The following CAMK2N2 variants were observed in gnomAD, a reference collection of about 807,000 sequenced individuals.
CAMK2N2 encodes the protein calcium/calmodulin-dependent protein kinase II inhibitor 2.
CAMK2N2 carries 3 observed loss-of-function variants against 7.8 expected under a neutral mutation model. That is an observed-to-expected ratio of 0.38 (90% CI 0.18 to 0.99). The LOEUF is 0.99. CAMK2N2 is among the 50% of genes least tolerant of loss of function. The pLI is 0.37. For synonymous variants in CAMK2N2, 45 were observed against 46.6 expected (o/e 0.97, Z 0.14); for missense variants, 85 against 108.4 (o/e 0.78, Z 0.96).
chr3:184,261,212 G>A lies in CAMK2N2; in HGVS notation c.74C>T (p.Ser25Phe). The A allele has an allele frequency of 6.2e-7, 1 of 1,608,032 alleles. No homozygotes were observed. Among genetic ancestry groups the A allele is most frequent in the Non-Finnish European group, 8.5e-7 (1 of 1,177,866 alleles). ...GGTGTCCTGCAGGCGGCAGCTGAAG[G>A]AGAGGTCGGAGCCCTCGGGGTCTGC... ...FGADPEGSDL[S>F]FSCRLQDTNS... is the part of the protein sequence containing the mutation. The change falls in exon 1 of 2, where the codon TCC becomes TTC. Residue 25 changes from serine (S) to phenylalanine (F), a missense_variant. Coordinates refer to ENST00000296238, the MANE Select transcript of CAMK2N2 (RefSeq NM_033259.3). The surrounding 1 kb of genome is among the most constrained non-coding windows in gnomAD (Gnocchi z 5.1).
chr3:184,260,376 A>C lies in CAMK2N2; in HGVS notation c.170-149T>G. ...GTGCCGCGGTGTCCTCCCCGTCCGA[A>C]CTCTTCTGGAGACCCAACCCGCCGC... On this transcript the variant is annotated intron_variant, in intron 1 of 1. Coordinates refer to ENST00000296238, the MANE Select transcript of CAMK2N2 (RefSeq NM_033259.3). The surrounding 1 kb of genome is among the most constrained non-coding windows in gnomAD (Gnocchi z 6.6). The C allele has an allele frequency of 4.5e-6, 3 of 662,338 alleles. No individual in the cohort carries two copies. The highest frequency in any genetic ancestry group is 2.6e-5 in the Admixed American group (1 of 38,846). 41.0% of individuals were successfully genotyped at this position (662,338 alleles called of 1,614,324 possible). A position where few individuals can be genotyped will look rare whatever the true frequency, so the allele number is the denominator to read the frequency against.
In CAMK2N2 at chr3:184,260,420, C is replaced by A. The variant is rs1720002651; in HGVS notation, c.170-193G>T. On this transcript the variant is annotated intron_variant, in intron 1 of 1. Transcript: ENST00000296238. This position sits in a 1 kb window ranked among gnomAD's most constrained non-coding sequence, Gnocchi z 6.6. ...CCGCCGCCAAGCCTAGACCCCCTCC[C>A]CTCCCGATGGCGGAACGCCCCTCTT... Among the ~76,000 whole-genome samples the A allele has an allele frequency of 6.6e-6, 1 of 152,218 alleles. No individual in the cohort carries two copies. The highest frequency in any genetic ancestry group is 2.1e-4 in the South Asian group (1 of 4,834).
Position 184,261,344 on chromosome 3 carries a change from G to T in CAMK2N2, c.-59C>A. On this transcript the variant is annotated 5_prime_UTR_variant, in exon 1 of 2. Coordinates refer to ENST00000296238, the MANE Select transcript of CAMK2N2 (RefSeq NM_033259.3). The surrounding 1 kb of genome is among the most constrained non-coding windows in gnomAD (Gnocchi z 5.1). ...GACTGCGGCGGGGCGCGGGCGGCGG[G>T]CTTGCTGCCGGACCGGCCCTACCTC... The T allele has an allele frequency of 7.5e-7, 1 of 1,329,856 alleles. No homozygotes were observed. Among genetic ancestry groups the T allele is most frequent in the Non-Finnish European group, 9.6e-7 (1 of 1,039,408 alleles). 82.4% of individuals were successfully genotyped at this position (1,329,856 alleles called of 1,614,324 possible). A position where few individuals can be genotyped will look rare whatever the true frequency, so the allele number is the denominator to read the frequency against.
rs929229713 is a variant in CAMK2N2 at position 184,261,363 on chromosome 3, C to T, written c.-78G>A. The stretch of plus-strand genomic sequence containing the variant: ...CGGCGGGCTTGCTGCCGGACCGGCC[C>T]TACCTCAGCAGGGGAGCCGGCGGAA... On this transcript the variant is annotated 5_prime_UTR_variant, in exon 1 of 2. An upstream open reading frame in the 5' UTR loses its in-frame stop. Transcript: ENST00000296238. The surrounding 1 kb of genome is among the most constrained non-coding windows in gnomAD (Gnocchi z 5.1). 7.2e-6 allele frequency: 9 copies of T among 1,243,882 alleles called. No individual in the cohort carries two copies. Among genetic ancestry groups the T allele is most frequent in the African/African-American group, 1.6e-5 (1 of 62,256 alleles). The allele number at this position is 1,243,882 out of a possible 1,614,324, so 77.1% of individuals were successfully genotyped here. A position where few individuals can be genotyped will look rare whatever the true frequency, so the allele number is the denominator to read the frequency against.
rs200615930 is a variant in CAMK2N2, at chr3:184,261,319, G to A, written c.-34C>T. The A allele has an allele frequency of 1.4e-3, 1,994 of 1,399,396 alleles. 48 individuals are homozygous for A. In the East Asian group the frequency reaches 0.033, roughly 23 times the overall value. 86.7% of individuals were successfully genotyped at this position (1,399,396 alleles called of 1,614,324 possible). On this transcript the variant is annotated 5_prime_UTR_variant, in exon 1 of 2. Coordinates refer to ENST00000296238, the MANE Select transcript of CAMK2N2 (RefSeq NM_033259.3). This position sits in a 1 kb window ranked among gnomAD's most constrained non-coding sequence, Gnocchi z 5.1. The stretch of plus-strand genomic sequence containing the variant: ...CGGGGTGGGCGCGGGGCGGGAGCGG[G>A]ACTGCGGCGGGGCGCGGGCGGCGGG...
rs1719974833 is a variant in CAMK2N2, at chr3:184,259,934, CGCG to C, written c.*220_*222del. ...GGCCCGAGGTTTTAAAGTGCATGAG[CGCG>C]GCGGCGGGTTCCGGGCGGGTCCGCG... On this transcript the variant is annotated 3_prime_UTR_variant, in exon 2 of 2. Coordinates refer to ENST00000296238, the MANE Select transcript of CAMK2N2 (RefSeq NM_033259.3). 1 of 151,942 alleles carries C rather than the reference CGCG, an allele frequency of 6.6e-6. No individual in the cohort carries two copies. The highest frequency in any genetic ancestry group is 2.1e-4 in the South Asian group (1 of 4,830). The allele number at this position is 151,942 out of a possible 1,614,324, so 9.4% of individuals were successfully genotyped here. A position where few individuals can be genotyped will look rare whatever the true frequency, so the allele number is the denominator to read the frequency against.
At position 184,260,362 on chromosome 3, in the gene CAMK2N2, T is replaced by C. The variant is rs1719999342; in HGVS notation, c.170-135A>G. 1 of 722,366 alleles carries C rather than the reference T, an allele frequency of 1.4e-6. No individual in the cohort carries two copies. Among genetic ancestry groups the C allele is most frequent in the Admixed American group, 2.5e-5 (1 of 40,282 alleles). The allele number at this position is 722,366 out of a possible 1,614,324, so 44.7% of individuals were successfully genotyped here. A position where few individuals can be genotyped will look rare whatever the true frequency, so the allele number is the denominator to read the frequency against. ...CCCCTCGGAACCCTGTGCCGCGGTGTCCTCCCCGTCCGAACTCTTCTGGAG... is the reference window on the plus strand; with the variant it reads ...CCCCTCGGAACCCTGTGCCGCGGTGCCCTCCCCGTCCGAACTCTTCTGGAG... On this transcript the variant is annotated intron_variant, in intron 1 of 1. Transcript: ENST00000296238. The surrounding 1 kb of genome is among the most constrained non-coding windows in gnomAD (Gnocchi z 6.6).
rs923041495 is a variant in CAMK2N2, at chr3:184,259,635, G to C, written c.*522C>G. On this transcript the variant is annotated 3_prime_UTR_variant, in exon 2 of 2. Transcript: ENST00000296238. Reference sequence around the variant, plus strand: ...GATATAAAAATACAAATGTGCTGAGGAAGTCCCTTAGAAAGAGGCTGAGGC... The same window carrying C: ...GATATAAAAATACAAATGTGCTGAGCAAGTCCCTTAGAAAGAGGCTGAGGC... The C allele has an allele frequency of 6.5e-6, 1 of 152,844 alleles. No homozygotes were observed. The highest frequency in any genetic ancestry group is 1.5e-5 in the Non-Finnish European group (1 of 68,226). 9.5% of individuals were successfully genotyped at this position (152,844 alleles called of 1,614,324 possible).
Position 184,261,245 on chromosome 3 carries a change from C to A in CAMK2N2, c.41G>T (p.Arg14Leu). 1 of 1,596,160 alleles carries A rather than the reference C, an allele frequency of 6.3e-7. No individual in the cohort carries two copies. Among genetic ancestry groups the A allele is most frequent in the Non-Finnish European group, 8.5e-7 (1 of 1,172,836 alleles). The stretch of plus-strand genomic sequence containing the variant: ...GGAGCCCTCGGGGTCTGCGCCGAAG[C>A]GGCCCATCTTGTCTTCGCTGTAGGG... Reference protein sequence around the residue: ...ILPYSEDKMGRFGADPEGSDL... With the variant: ...ILPYSEDKMGLFGADPEGSDL... The change falls in exon 1 of 2, where the codon CGC becomes CTC. Residue 14 changes from arginine (R) to leucine (L), a missense_variant. By Grantham distance (102) the Arg-to-Leu change is moderately radical. Transcript: ENST00000296238. This position sits in a 1 kb window ranked among gnomAD's most constrained non-coding sequence, Gnocchi z 5.1.
At position 184,260,323 on chromosome 3, in the gene CAMK2N2, G is replaced by T; in HGVS notation, c.170-96C>A. 1 of 1,221,054 alleles carries T rather than the reference G, an allele frequency of 8.2e-7. No homozygotes were observed. Among genetic ancestry groups the T allele is most frequent in the Admixed American group, 1.9e-5 (1 of 52,960 alleles). The allele number at this position is 1,221,054 out of a possible 1,614,324, so 75.6% of individuals were successfully genotyped here. The stretch of plus-strand genomic sequence containing the variant: ...CTAGCTTCCCGCGCAGCTACTGCCC[G>T]TGGCCCAGCGACGCCCCTCGGAACC... On this transcript the variant is annotated intron_variant, in intron 1 of 1. Transcript: ENST00000296238. The surrounding 1 kb of genome is among the most constrained non-coding windows in gnomAD (Gnocchi z 6.6).
At position 184,259,973 on chromosome 3, in the gene CAMK2N2, C is replaced by G. The variant is rs991255946; in HGVS notation, c.*184G>C. ...CCGGGCGGGTCCGCGCCGCCGCTAC[C>G]GCGGCCGCCGTGGTGCTGAAGCGGA... On this transcript the variant is annotated 3_prime_UTR_variant, in exon 2 of 2. Transcript: ENST00000296238. 12 of 161,768 alleles carry G rather than the reference C, an allele frequency of 7.4e-5. No homozygotes were observed. The highest frequency in any genetic ancestry group is 3.3e-4 in the Admixed American group (5 of 15,124). The allele number at this position is 161,768 out of a possible 1,614,324, so 10.0% of individuals were successfully genotyped here.
Position 184,261,224 on chromosome 3 carries a change from C to A in CAMK2N2, c.62G>T (p.Gly21Val), listed in dbSNP as rs770653095. The A allele has an allele frequency of 2.0e-5, 32 of 1,605,684 alleles. No individual in the cohort carries two copies. The South Asian group carries it at 3.3e-4, about 17-fold the overall frequency. The part of the protein sequence containing the change: ...KMGRFGADPE[G>V]SDLSFSCRLQ... ...GCGGCAGCTGAAGGAGAGGTCGGAG[C>A]CCTCGGGGTCTGCGCCGAAGCGGCC... Residue 21 changes from glycine (G) to valine (V), a missense_variant, in exon 1 of 2, where the codon GGC (glycine) becomes GTC (valine). Gly to Val is a moderately radical substitution (Grantham distance 109). Coordinates refer to ENST00000296238, the MANE Select transcript of CAMK2N2 (RefSeq NM_033259.3). This position sits in a 1 kb window ranked among gnomAD's most constrained non-coding sequence, Gnocchi z 5.1.
Position 184,261,288 on chromosome 3 carries a change from C to G in CAMK2N2, c.-3G>C. On this transcript the variant is annotated 5_prime_UTR_variant, in exon 1 of 2. Transcript: ENST00000296238. This position sits in a 1 kb window ranked among gnomAD's most constrained non-coding sequence, Gnocchi z 5.1. ...CTGTAGGGCAGGATCTCGGACATGG[C>G]GGGCGCGGGGTGGGCGCGGGGCGGG... 7.4e-7 allele frequency: 1 copy of G among 1,343,802 alleles called. No homozygotes were observed. Among genetic ancestry groups the G allele is most frequent in the East Asian group, 4.4e-5 (1 of 22,738 alleles). The allele number at this position is 1,343,802 out of a possible 1,614,324, so 83.2% of individuals were successfully genotyped here.
Position 184,260,998 on chromosome 3 carries a change from A to C in CAMK2N2, c.169+119T>G. 6.8e-6 allele frequency: 6 copies of C among 879,958 alleles called. No homozygotes were observed. The highest frequency in any genetic ancestry group is 9.4e-6 in the Non-Finnish European group (6 of 640,912). The allele number at this position is 879,958 out of a possible 1,614,324, so 54.5% of individuals were successfully genotyped here. A position where few individuals can be genotyped will look rare whatever the true frequency, so the allele number is the denominator to read the frequency against. On this transcript the variant is annotated intron_variant, in intron 1 of 1. Coordinates refer to ENST00000296238, the MANE Select transcript of CAMK2N2 (RefSeq NM_033259.3). The surrounding 1 kb of genome is among the most constrained non-coding windows in gnomAD (Gnocchi z 6.6). ...CCCCCCCCTCCAGCCCGGGCTGGAGAGCGGCTGGTGCGCTGGTCTGCGGCA... is the reference window on the plus strand; with the variant it reads ...CCCCCCCCTCCAGCCCGGGCTGGAGCGCGGCTGGTGCGCTGGTCTGCGGCA...
Position 184,260,294 on chromosome 3 carries a change from C to T in CAMK2N2, c.170-67G>A. 1 of 1,482,330 alleles carries T rather than the reference C, an allele frequency of 6.7e-7. No homozygotes were observed. Among genetic ancestry groups the T allele is most frequent in the East Asian group, 2.3e-5 (1 of 42,780 alleles). 91.8% of individuals were successfully genotyped at this position (1,482,330 alleles called of 1,614,324 possible). On this transcript the variant is annotated intron_variant, in intron 1 of 1. Coordinates refer to ENST00000296238, the MANE Select transcript of CAMK2N2 (RefSeq NM_033259.3). This position sits in a 1 kb window ranked among gnomAD's most constrained non-coding sequence, Gnocchi z 6.6. The stretch of plus-strand genomic sequence containing the variant: ...GCGGCGGCGATGAGAATGAGCCCCG[C>T]GTCCTAGCTTCCCGCGCAGCTACTG...
Position 184,260,967 on chromosome 3 carries a change from C to T in CAMK2N2, c.169+150G>A. 2 of 799,262 alleles carry T rather than the reference C, an allele frequency of 2.5e-6. No individual in the cohort carries two copies. Among genetic ancestry groups the T allele is most frequent in the Non-Finnish European group, 3.7e-6 (2 of 540,496 alleles). The allele number at this position is 799,262 out of a possible 1,614,324, so 49.5% of individuals were successfully genotyped here. A position where few individuals can be genotyped will look rare whatever the true frequency, so the allele number is the denominator to read the frequency against. On this transcript the variant is annotated intron_variant, in intron 1 of 1. Transcript: ENST00000296238. This position sits in a 1 kb window ranked among gnomAD's most constrained non-coding sequence, Gnocchi z 6.6. ...GGGAAGAGGGGGACACACACTGCAG[C>T]GGGGACCCCCCCCTCCAGCCCGGGC...
At position 184,260,644 on chromosome 3, in the gene CAMK2N2, G is replaced by A. The variant is rs1720010781; in HGVS notation, c.170-417C>T. ...TCTCCTCAACCTGAGCCCTCTCGCC[G>A]CTGGAACCCCTCTTCCGATCCTGGC... On this transcript the variant is annotated intron_variant, in intron 1 of 1. Coordinates refer to ENST00000296238, the MANE Select transcript of CAMK2N2 (RefSeq NM_033259.3). The surrounding 1 kb of genome is among the most constrained non-coding windows in gnomAD (Gnocchi z 6.6). Among the ~76,000 whole-genome samples, 4 of 152,070 alleles carry A rather than the reference G, an allele frequency of 2.6e-5. No individual in the cohort carries two copies. In the South Asian group the frequency reaches 8.3e-4, roughly 32 times the overall value.
chr3:184,260,327 C>A lies in CAMK2N2; in HGVS notation c.170-100G>T. 9.0e-7 allele frequency: 1 copy of A among 1,116,270 alleles called. No individual in the cohort carries two copies. The highest frequency in any genetic ancestry group is 1.3e-6 in the Non-Finnish European group (1 of 775,472). The allele number at this position is 1,116,270 out of a possible 1,614,324, so 69.1% of individuals were successfully genotyped here. A position where few individuals can be genotyped will look rare whatever the true frequency, so the allele number is the denominator to read the frequency against. ...CTTCCCGCGCAGCTACTGCCCGTGG[C>A]CCAGCGACGCCCCTCGGAACCCTGT... is the stretch of plus-strand genomic sequence containing the variant. On this transcript the variant is annotated intron_variant, in intron 1 of 1. Transcript: ENST00000296238. This position sits in a 1 kb window ranked among gnomAD's most constrained non-coding sequence, Gnocchi z 6.6.
rs1013450406 is a variant in CAMK2N2, at chr3:184,260,627, A to G, written c.170-400T>C. Among the ~76,000 whole-genome samples, 2 of 151,224 alleles carry G rather than the reference A, an allele frequency of 1.3e-5. No homozygotes were observed. Among genetic ancestry groups the G allele is most frequent in the Admixed American group, 6.6e-5 (1 of 15,194 alleles). ...TCCAGCTGGTCCAGCCCTCTCCTCA[A>G]CCTGAGCCCTCTCGCCGCTGGAACC... is the stretch of plus-strand genomic sequence containing the variant. On this transcript the variant is annotated intron_variant, in intron 1 of 1. Coordinates refer to ENST00000296238, the MANE Select transcript of CAMK2N2 (RefSeq NM_033259.3). This position sits in a 1 kb window ranked among gnomAD's most constrained non-coding sequence, Gnocchi z 6.6.
Sources: allele counts gnomAD v4.1 joint callset (sites outside exome capture counted in the v4.1 genomes callset), GRCh38; gene constraint gnomAD v4.1.1; non-coding constraint Gnocchi (gnomAD v3.1); transcripts MANE v1.5; gene names NCBI Gene and HGNC (gene_info 2026-07-23, HGNC 2026-07-21).